The following TSPAN12 variants were observed in gnomAD, a reference collection of about 807,000 sequenced individuals.
TSPAN12 encodes tetraspanin 12.
A neutral mutation model predicts 39.2 loss-of-function variants in TSPAN12; 19 were observed. That is an observed-to-expected ratio of 0.49 (90% CI 0.34 to 0.71). The LOEUF (loss-of-function observed/expected upper bound fraction) is 0.71, where lower values mean the gene tolerates loss of function less well. Among genes scored for constraint, TSPAN12 ranks in the 30% least tolerant of loss-of-function variants. The pLI, the probability that TSPAN12 is intolerant of heterozygous loss-of-function variation, is 0.01. For synonymous variants in TSPAN12, 119 were observed against 124.8 expected, an observed-to-expected ratio of 0.95 and a Z score of 0.31; for missense variants, 314 against 359.9, an observed-to-expected ratio of 0.87 and a Z score of 1.03.
At chr7:120,809,096 C>G (rs1420459845) in intron 6 of TSPAN12, among the ~76,000 whole-genome samples, 1 of 151,900 alleles carries the variant, frequency 6.6e-6, no homozygotes, top group Non-Finnish European at 1.5e-5. Flanking sequence ...ACCTCAGGTT[C>G]TCAGAAGTCT....
chr7:120,838,281 T>C (rs1370098232), intron 4 of TSPAN12, among the ~76,000 whole-genome samples: 1 of 152,188 alleles, frequency 6.6e-6, no homozygotes, highest in East Asian at 1.9e-4. Flanking sequence ...AGTGCAACTC[T>C]CAGAGTTAAA....
chr7:120,824,283 A>C (rs1232785420), intron 4 of TSPAN12, among the ~76,000 whole-genome samples: 1 of 151,592 alleles, frequency 6.6e-6, no homozygotes, highest in Non-Finnish European at 1.5e-5. Context: ...ATGCAAAAAA[A>C]AAAAAAAAAT....
intron 7 of TSPAN12, among the ~76,000 whole-genome samples, chr7:120,804,720 T>G (rs1793835843): frequency 6.6e-6 from 1 of 152,134 alleles, no homozygotes; most frequent in Non-Finnish European, 1.5e-5. Context: ...AATGTGATCT[T>G]ATTGGAACAT....
Position 120,815,733 on chromosome 7 carries a change from A to C in TSPAN12, c.356T>G (p.Leu119Arg), listed in dbSNP as rs569301160. 16 of 1,612,528 alleles carry C rather than the reference A, an allele frequency of 9.9e-6. No homozygotes were observed. The South Asian group carries it at 1.8e-4, about 18-fold the overall frequency. ...TTATATCTATTTTGAACTCACCATA[A>C]GTTCCTGTTCATATGTCCAAACGCC... Reference protein sequence around the residue: ...ACGVWTYEQELMVPVQWSDMV... With the variant: ...ACGVWTYEQERMVPVQWSDMV... The change falls in exon 5 of 8, where the codon CTT (leucine) becomes CGT (arginine). Residue 119 changes from leucine to arginine, a missense_variant. Coordinates refer to ENST00000222747, the MANE Select transcript of TSPAN12 (RefSeq NM_012338.4).
intron 1 of TSPAN12, 90 bp from the exon 2 acceptor site, chr7:120,856,923 G>A (rs1294231461): frequency 1.4e-6 from 1 of 734,716 alleles, no homozygotes; most frequent in African/African-American, 1.7e-5. Context: ...CCCTCAGCAG[G>A]GTCCAGAGGG....
intron 2 of TSPAN12, among the ~76,000 whole-genome samples, chr7:120,849,865 C>T (rs1420352261): frequency 2.0e-5 from 3 of 152,174 alleles, no homozygotes; most frequent in Non-Finnish European, 4.4e-5. Context: ...AGGTTACAGG[C>T]ATGAGCCACC....
chr7:120,853,550 T>G (rs1044310260), intron 2 of TSPAN12, among the ~76,000 whole-genome samples: 4 of 149,020 alleles, frequency 2.7e-5, no homozygotes, highest in African/African-American at 9.8e-5. Context: ...ACATAATATA[T>G]TCGTATTTAT....
intron 7 of TSPAN12, among the ~76,000 whole-genome samples, chr7:120,793,084 G>A (rs961575376): frequency 1.3e-5 from 2 of 152,180 alleles, no homozygotes; most frequent in African/African-American, 4.8e-5. Context: ...GACAGTCATA[G>A]CTGAAGAATC....
At chr7:120,857,435 G>A (rs1423314635) in intron 1 of TSPAN12, 3 of 154,042 alleles carry the variant, frequency 1.9e-5, no homozygotes, top group Non-Finnish European at 4.3e-5. Flanking sequence ...CGGCTACTAG[G>A]GTTTCTCTGG....
chr7:120,852,422 T>C (rs1323979217), intron 2 of TSPAN12, among the ~76,000 whole-genome samples: 2 of 152,190 alleles, frequency 1.3e-5, no homozygotes, highest in African/African-American at 4.8e-5. Flanking sequence ...GGGGTTCATA[T>C]GCCACACTGG....
At chr7:120,797,346 T>C (rs1484278636) in intron 7 of TSPAN12, among the ~76,000 whole-genome samples, 1 of 152,236 alleles carries the variant, frequency 6.6e-6, no homozygotes, top group Non-Finnish European at 1.5e-5. Flanking sequence ...GGACCAACTT[T>C]GGAAGACAAG....
At chr7:120,846,677 G>A (rs1305255207) in intron 2 of TSPAN12, among the ~76,000 whole-genome samples, 1 of 152,176 alleles carries the variant, frequency 6.6e-6, no homozygotes, top group African/African-American at 2.4e-5. Flanking sequence ...ATACACTGAT[G>A]AACAGTAACA....
chr7:120,797,894 C>A (rs931876792), intron 7 of TSPAN12, among the ~76,000 whole-genome samples: 4 of 152,102 alleles, frequency 2.6e-5, no homozygotes, highest in African/African-American at 9.7e-5. Flanking sequence ...GCCTTAAGAC[C>A]CAATCTTCAG....
intron 6 of TSPAN12, among the ~76,000 whole-genome samples, chr7:120,808,675 TA>T (rs1306825260): frequency 1.3e-5 from 2 of 152,122 alleles, no homozygotes; most frequent in Non-Finnish European, 2.9e-5. Flanking sequence ...AAAAACGTAT[TA>T]AACAAACGTC....
chr7:120,828,861 G>A (rs1794338360), intron 4 of TSPAN12, among the ~76,000 whole-genome samples: 1 of 151,746 alleles, frequency 6.6e-6, no homozygotes, highest in African/African-American at 2.4e-5. Flanking sequence ...AAAAGACACA[G>A]CAATGATTCA....
intron 7 of TSPAN12, among the ~76,000 whole-genome samples, chr7:120,797,597 C>T (rs1793658321): frequency 6.6e-6 from 1 of 152,220 alleles, no homozygotes; most frequent in African/African-American, 2.4e-5. Context: ...ACATGGAATA[C>T]CTGACAAGAA....
chr7:120,857,654 C>T (rs1050014769), intron 1 of TSPAN12, among the ~76,000 whole-genome samples, 166 bp downstream of exon 1: 12 of 152,120 alleles, frequency 7.9e-5, no homozygotes, highest in Admixed American at 7.2e-4. Context: ...CGGCCACCGA[C>T]CCAGCCATCG....
chr7:120,811,662 T>G (rs1391168642), intron 5 of TSPAN12, among the ~76,000 whole-genome samples: 1 of 145,702 alleles, frequency 6.9e-6, no homozygotes, highest in Non-Finnish European at 1.5e-5. Context: ...AGAGCGAGAC[T>G]CGGTCTCAAA....
chr7:120,839,191 A>C (rs1794533933), intron 3 of TSPAN12, among the ~76,000 whole-genome samples: 1 of 152,136 alleles, frequency 6.6e-6, no homozygotes, highest in Non-Finnish European at 1.5e-5. Flanking sequence ...ACCTTGATAA[A>C]AGGTCCATCT....
Sources: allele counts gnomAD v4.1 joint callset (sites outside exome capture counted in the v4.1 genomes callset), GRCh38; gene constraint gnomAD v4.1.1; transcripts MANE v1.5; gene names NCBI Gene and HGNC (gene_info 2026-07-23, HGNC 2026-07-21).